The following LRP12 variants were observed in gnomAD, a reference collection of about 807,000 sequenced individuals.
LRP12 encodes the protein LDL receptor related protein 12.
In LRP12, 14 loss-of-function variants were observed where a neutral mutation model predicts 66.0. The observed-to-expected ratio is 0.21, with a 90% CI of 0.14 to 0.33. The LOEUF is 0.33. Among genes scored for constraint, LRP12 ranks in the 10% least tolerant of loss-of-function variants. The probability of loss-of-function intolerance (pLI) is 1.00; values close to 1 mark genes in which losing one functional copy is unlikely to be tolerated. For missense variants in LRP12, 889 were observed against 1,053.4 expected (o/e 0.84, Z 2.16); for synonymous variants, 357 against 359.1 (o/e 0.99, Z 0.07).
chr8:104,586,920 C>T (rs905085750), intron 1 of LRP12, among the ~76,000 whole-genome samples: 13 of 151,996 alleles, frequency 8.6e-5, no homozygotes, highest in African/African-American at 2.7e-4. Context: ...AATCTGCGGC[C>T]CACACTGTTG....
intron 1 of LRP12, among the ~76,000 whole-genome samples, chr8:104,552,288 C>T (rs560044319): frequency 2.2e-4 from 34 of 152,122 alleles, no homozygotes; most frequent in Middle Eastern, 3.4e-3. Context: ...TTTAAATTTA[C>T]CATTTTTGAT....
intron 1 of LRP12, among the ~76,000 whole-genome samples, chr8:104,532,336 C>G (rs540465572): frequency 6.8e-6 from 1 of 147,952 alleles, no homozygotes; most frequent in East Asian, 2.0e-4. Context: ...AGCCACAAGT[C>G]GGTGTAATAT....
intron 1 of LRP12, among the ~76,000 whole-genome samples, chr8:104,535,939 T>C (rs1811387376): frequency 6.6e-6 from 1 of 152,110 alleles, no homozygotes; most frequent in African/African-American, 2.4e-5. Flanking sequence ...AAGAAAAACA[T>C]TGGTTTAAAA....
chr8:104,493,554 C>T (rs889832096), intron 6 of LRP12, among the ~76,000 whole-genome samples: 3 of 152,200 alleles, frequency 2.0e-5, no homozygotes, highest in African/African-American at 7.2e-5. Flanking sequence ...AGTGTCTTTG[C>T]CTGGGGGCCT....
chr8:104,495,149 G>C lies in LRP12; in HGVS notation c.1641C>G (p.Pro547=). Reference sequence around the variant, plus strand: ...CCTGAGCAATCAATTGTCCATACGAGGGAGGAGCTTCTCTTCTTAACAATT... The same window carrying C: ...CCTGAGCAATCAATTGTCCATACGACGGAGGAGCTTCTCTTCTTAACAATT... ...EAELLRREAP[P]SYGQLIAQGL... Residue 547 remains proline (P), a synonymous_variant, in exon 6 of 7, where the codon CCC becomes CCG. Coordinates refer to ENST00000276654, the MANE Select transcript of LRP12 (RefSeq NM_013437.5). 1.2e-6 allele frequency: 2 copies of C among 1,613,738 alleles called. No homozygotes were observed. Among genetic ancestry groups the C allele is most frequent in the Non-Finnish European group, 1.7e-6 (2 of 1,179,724 alleles).
intron 1 of LRP12, among the ~76,000 whole-genome samples, chr8:104,558,973 A>C (rs1420602697): frequency 6.6e-6 from 1 of 152,134 alleles, no homozygotes; most frequent in Non-Finnish European, 1.5e-5. Flanking sequence ...TTGGCATGGA[A>C]TGTGGTGAAC....
chr8:104,571,194 A>G (rs947752436), intron 1 of LRP12, among the ~76,000 whole-genome samples: 1 of 152,040 alleles, frequency 6.6e-6, no homozygotes, highest in African/African-American at 2.4e-5. Context: ...GTAACTTAGG[A>G]CCCAGCAATT....
chr8:104,544,893 C>T (rs964303982), intron 1 of LRP12, among the ~76,000 whole-genome samples: 1 of 152,110 alleles, frequency 6.6e-6, no homozygotes, highest in Admixed American at 6.6e-5. Flanking sequence ...AACTTTCAAG[C>T]CTATTATTTA....
At chr8:104,496,897 T>C in intron 5 of LRP12, 75 bp downstream of exon 5, 1 of 1,356,896 alleles carries the variant, frequency 7.4e-7, no homozygotes, top group Non-Finnish European at 9.7e-7. Context: ...AATACATTGC[T>C]AATCATCAAA....
chr8:104,525,461 AT>A (rs1310772993), intron 2 of LRP12, among the ~76,000 whole-genome samples: 1 of 152,176 alleles, frequency 6.6e-6, no homozygotes. Context: ...AACAGAACAA[AT>A]TATTCCAAGT....
intron 1 of LRP12, among the ~76,000 whole-genome samples, chr8:104,573,726 TA>T (rs1812118107): frequency 6.6e-6 from 1 of 151,848 alleles, no homozygotes; most frequent in African/African-American, 2.4e-5. Context: ...TCTTTTATAC[TA>T]CTTCTAAACA....
At chr8:104,531,494 A>G (rs1347759495) in intron 2 of LRP12, among the ~76,000 whole-genome samples, 1 of 152,146 alleles carries the variant, frequency 6.6e-6, no homozygotes, top group Non-Finnish European at 1.5e-5. Context: ...CTCAAATACA[A>G]TAGTTATATG....
At chr8:104,539,318 A>G (rs1431076509) in intron 1 of LRP12, among the ~76,000 whole-genome samples, 3 of 152,192 alleles carry the variant, frequency 2.0e-5, no homozygotes, top group Non-Finnish European at 4.4e-5. Flanking sequence ...TAGTGGATGA[A>G]ATGATGTCTG....
intron 2 of LRP12, among the ~76,000 whole-genome samples, chr8:104,527,597 C>T (rs1032513511): frequency 6.6e-6 from 1 of 151,902 alleles, no homozygotes; most frequent in African/African-American, 2.4e-5. Context: ...AAACCAAACA[C>T]CGCATGTTCT....
chr8:104,559,062 A>G (rs1177738486), intron 1 of LRP12, among the ~76,000 whole-genome samples: 2 of 152,178 alleles, frequency 1.3e-5, no homozygotes, highest in African/African-American at 4.8e-5. Context: ...TTACTTAAAG[A>G]ACTACAAGTA....
chr8:104,567,989 A>C (rs543772129), intron 1 of LRP12, among the ~76,000 whole-genome samples: 10 of 152,296 alleles, frequency 6.6e-5, no homozygotes, highest in African/African-American at 2.2e-4. Flanking sequence ...AAAAATGAAA[A>C]CAAATTGGAA....
chr8:104,545,167 T>C (rs1271776027), intron 1 of LRP12, among the ~76,000 whole-genome samples: 1 of 152,094 alleles, frequency 6.6e-6, no homozygotes, highest in African/African-American at 2.4e-5. Context: ...AGAACTAGAA[T>C]TAGAAGTAGA....
intron 2 of LRP12, among the ~76,000 whole-genome samples, chr8:104,531,518 T>C (rs1265109910): frequency 6.6e-6 from 1 of 152,128 alleles, no homozygotes; most frequent in Non-Finnish European, 1.5e-5. Flanking sequence ...AGTAGTACTA[T>C]AAAAATCAAG....
intron 1 of LRP12, among the ~76,000 whole-genome samples, chr8:104,547,720 T>C (rs1321755340): frequency 1.6e-5 from 2 of 125,840 alleles, no homozygotes; most frequent in Admixed American, 1.8e-4. Context: ...TTCTATATTA[T>C]GTTATATTTT....
Sources: gnomAD v4.1 joint callset for allele counts (sites outside exome capture counted in the v4.1 genomes callset) on GRCh38, gnomAD v4.1.1 for gene constraint, MANE v1.5 for transcripts, NCBI Gene and HGNC (gene_info 2026-07-23, HGNC 2026-07-21) for gene names.